The following GRIA4 variants were observed in gnomAD, a reference collection of about 807,000 sequenced individuals.
The protein encoded by GRIA4 is glutamate receptor 4.
In GRIA4, 34 loss-of-function variants were observed where a neutral mutation model predicts 104.0. The ratio of observed to expected loss-of-function variants is 0.33; its 90% confidence interval spans 0.25 to 0.44. GRIA4 has a LOEUF of 0.44. GRIA4 is among the 20% of genes least tolerant of loss of function. The probability of loss-of-function intolerance (pLI) is 1.00; values close to 1 mark genes in which losing one functional copy is unlikely to be tolerated. For missense variants in GRIA4, 750 were observed against 1,096.5 expected, an observed-to-expected ratio of 0.68 and a Z score of 4.46; for synonymous variants, 386 against 381.9, an observed-to-expected ratio of 1.01 and a Z score of -0.13.
chr11:105,648,387 T>C (rs1201161613), intron 3 of GRIA4, among the ~76,000 whole-genome samples: 1 of 151,418 alleles, frequency 6.6e-6, no homozygotes, highest in Non-Finnish European at 1.5e-5. Flanking sequence ...TACACAATAA[T>C]AAATATTCTA....
Position 105,788,509 on chromosome 11 carries a change from G to T in GRIA4, c.487+35289G>T, listed in dbSNP as rs754535310. On this transcript the variant is annotated intron_variant, in intron 4 of 16. Transcript: ENST00000282499. ...TCAACCAAAGTGTCCATTAATGGTT[G>T]ACTGTATTAAAAATATATATAGTAC... is the stretch of plus-strand genomic sequence containing the variant. Among the ~76,000 whole-genome samples, 4 of 152,092 alleles carry T rather than the reference G, an allele frequency of 2.6e-5. No homozygotes were observed. In the South Asian group the frequency reaches 6.2e-4, roughly 24 times the overall value.
chr11:105,671,409 G>T (rs1204368111), intron 3 of GRIA4, among the ~76,000 whole-genome samples: 1 of 151,952 alleles, frequency 6.6e-6, no homozygotes, highest in South Asian at 2.1e-4. Flanking sequence ...GGGTGTGGTG[G>T]CTCACACCTG....
rs1239026076 is a variant in GRIA4, at chr11:105,979,686, A to T, written c.2656A>T (p.Thr886Ser). The change falls in exon 17 of 17, where the codon ACT becomes TCT. Residue 886 changes from threonine (T) to serine (S), a missense_variant. Around this residue, in one of 3 missense-constraint regions of GRIA4, gnomAD observed 68 missense variants for 69.3 expected, o/e 0.98. Transcript: ENST00000282499. The stretch of plus-strand genomic sequence containing the variant: ...CTGCCCAAAGGCTGTACACACTGGA[A>T]CTGCAATCAGACAAAGTTCAGGATT... ...PDCPKAVHTG[T>S]AIRQSSGLAV... 6.2e-7 allele frequency: 1 copy of T among 1,614,072 alleles called. No individual in the cohort carries two copies. The highest frequency in any genetic ancestry group is 8.5e-7 in the Non-Finnish European group (1 of 1,179,908).
chr11:105,977,808 AAC>A (rs1859062299), intron 16 of GRIA4, among the ~76,000 whole-genome samples: 1 of 152,080 alleles, frequency 6.6e-6, no homozygotes. Context: ...CACCTCCAAT[AAC>A]ACAGTCTCCC....
At chr11:105,780,342 T>C (rs1235658667) in intron 4 of GRIA4, among the ~76,000 whole-genome samples, 1 of 152,172 alleles carries the variant, frequency 6.6e-6, no homozygotes, top group Non-Finnish European at 1.5e-5. Flanking sequence ...ATGAATTAAG[T>C]ATAATCTCTA....
At chr11:105,820,330 A>G (rs908672375) in intron 4 of GRIA4, among the ~76,000 whole-genome samples, 6 of 152,138 alleles carry the variant, frequency 3.9e-5, no homozygotes, top group East Asian at 3.9e-4. Context: ...AACTTTTTCT[A>G]TTGAGACATC....
chr11:105,670,895 C>T (rs958264270), intron 3 of GRIA4, among the ~76,000 whole-genome samples: 5 of 152,104 alleles, frequency 3.3e-5, no homozygotes, highest in African/African-American at 1.2e-4. Context: ...ATCAGTAAGG[C>T]TACATCCCTT....
chr11:105,890,067 T>C (rs529600834), intron 6 of GRIA4, among the ~76,000 whole-genome samples: 13 of 152,282 alleles, frequency 8.5e-5, no homozygotes, highest in African/African-American at 3.1e-4. Flanking sequence ...AAATATTCTG[T>C]AGTCATAATG....
chr11:105,836,720 T>C (rs537691290), intron 4 of GRIA4, among the ~76,000 whole-genome samples: 3 of 152,176 alleles, frequency 2.0e-5, no homozygotes, highest in Non-Finnish European at 4.4e-5. Flanking sequence ...GAACTGTTCT[T>C]TTTAACAAGC....
chr11:105,834,656 TAG>T (rs1332966991), intron 4 of GRIA4, among the ~76,000 whole-genome samples: 2 of 151,128 alleles, frequency 1.3e-5, no homozygotes, highest in Non-Finnish European at 1.5e-5. Context: ...CAATGAAACA[TAG>T]AGTTATTTAA....
At chr11:105,793,061 T>C (rs950753874) in intron 4 of GRIA4, among the ~76,000 whole-genome samples, 3 of 152,220 alleles carry the variant, frequency 2.0e-5, no homozygotes, top group African/African-American at 7.2e-5. Flanking sequence ...CAAGTTCTTA[T>C]GCCAGCAGGC....
At chr11:105,727,352 A>G (rs1364630072) in intron 3 of GRIA4, among the ~76,000 whole-genome samples, 1 of 152,104 alleles carries the variant, frequency 6.6e-6, no homozygotes, top group Non-Finnish European at 1.5e-5. Flanking sequence ...GATGAAAAGG[A>G]ATGAACAAAA....
chr11:105,803,633 A>T (rs1942813797), intron 4 of GRIA4, among the ~76,000 whole-genome samples: 1 of 151,984 alleles, frequency 6.6e-6, no homozygotes, highest in African/African-American at 2.4e-5. Context: ...TGAACAGATC[A>T]ATAAATTGAT....
intron 3 of GRIA4, among the ~76,000 whole-genome samples, chr11:105,704,905 G>C (rs1423498137): frequency 6.6e-6 from 1 of 152,072 alleles, no homozygotes; most frequent in Non-Finnish European, 1.5e-5. Context: ...AGTAAGACAA[G>C]TTGATAATAA....
At chr11:105,843,952 A>G (rs1007782314) in intron 4 of GRIA4, among the ~76,000 whole-genome samples, 3 of 152,184 alleles carry the variant, frequency 2.0e-5, no homozygotes, top group Non-Finnish European at 4.4e-5. Context: ...TTTGAAGATT[A>G]TGAACTGCTT....
At chr11:105,912,463 A>T in intron 10 of GRIA4, 1 of 948,878 alleles carries the variant, frequency 1.1e-6, no homozygotes, top group Non-Finnish European at 1.3e-6. Flanking sequence ...GCTAGTTTTT[A>T]GGAAGCATGC....
chr11:105,790,568 C>G (rs140340660), intron 4 of GRIA4, among the ~76,000 whole-genome samples: 1 of 152,148 alleles, frequency 6.6e-6, no homozygotes, highest in Non-Finnish European at 1.5e-5. Context: ...CATGAAGCAT[C>G]CCAAATGTAA....
At chr11:105,617,220 C>T (rs902040850) in intron 3 of GRIA4, among the ~76,000 whole-genome samples, 18 of 149,744 alleles carry the variant, frequency 1.2e-4, no homozygotes, top group Non-Finnish European at 2.7e-4. Flanking sequence ...TTATGACAAC[C>T]ATATATTTTT....
At chr11:105,745,445 T>C (rs1466575189) in intron 3 of GRIA4, among the ~76,000 whole-genome samples, 1 of 152,154 alleles carries the variant, frequency 6.6e-6, no homozygotes, top group Admixed American at 6.6e-5. Flanking sequence ...ATCCATGTAG[T>C]AATGGCCACT....
Sources: allele counts gnomAD v4.1 joint callset (sites outside exome capture counted in the v4.1 genomes callset), GRCh38; gene constraint gnomAD v4.1.1; regional missense constraint gnomAD v4.1.1; transcripts MANE v1.5; gene names NCBI Gene and HGNC (gene_info 2026-07-23, HGNC 2026-07-21).